The following ADGRG6 variants were observed in gnomAD, a reference collection of about 807,000 sequenced individuals.
ADGRG6 encodes adhesion G protein-coupled receptor G6, also known as G-protein coupled receptor 126.
Under a neutral mutation model 142.4 loss-of-function variants are expected in ADGRG6, and 84 were observed. The observed-to-expected ratio is 0.59, with a 90% CI of 0.49 to 0.71. The LOEUF (loss-of-function observed/expected upper bound fraction) is 0.71. Ranked by LOEUF, ADGRG6 falls within the 30% of genes least tolerant of loss-of-function variation. The probability of loss-of-function intolerance (pLI) is 0.00; values close to 1 mark genes in which losing one functional copy is unlikely to be tolerated. For missense variants in ADGRG6, 1,367 were observed against 1,466.6 expected (o/e 0.93, Z 1.11); for synonymous variants, 521 against 520.5 (o/e 1.00, Z -0.01).
At chr6:142,334,300 G>A (rs752876229) in intron 2 of ADGRG6, among the ~76,000 whole-genome samples, 14 of 152,136 alleles carry the variant, frequency 9.2e-5, no homozygotes, top group Non-Finnish European at 1.6e-4. Context: ...GTAAAGACAA[G>A]AGAAGGAAAA....
intron 24 of ADGRG6, among the ~76,000 whole-genome samples, chr6:142,441,605 C>T (rs1172797425): frequency 1.3e-5 from 2 of 152,148 alleles, no homozygotes; most frequent in East Asian, 1.9e-4. Flanking sequence ...TGAAGCTTTT[C>T]AAAATCTCTA....
chr6:142,333,062 G>T (rs1280115723), intron 2 of ADGRG6, among the ~76,000 whole-genome samples: 1 of 152,184 alleles, frequency 6.6e-6, no homozygotes, highest in Non-Finnish European at 1.5e-5. Flanking sequence ...TTATTGAAAT[G>T]GTGATTGAAA....
intron 2 of ADGRG6, among the ~76,000 whole-genome samples, chr6:142,314,428 G>A (rs946281879): frequency 6.6e-6 from 1 of 152,118 alleles, no homozygotes; most frequent in South Asian, 2.1e-4. Context: ...TGTGGAGAGG[G>A]TTGGTAAACA....
chr6:142,312,574 C>T (rs1288933600), intron 2 of ADGRG6, among the ~76,000 whole-genome samples: 1 of 151,992 alleles, frequency 6.6e-6, no homozygotes, highest in Non-Finnish European at 1.5e-5. Context: ...AAGTTGACAA[C>T]ATCCAATACA....
At chr6:142,382,961 T>G (rs1419628127) in intron 5 of ADGRG6, among the ~76,000 whole-genome samples, 1 of 152,112 alleles carries the variant, frequency 6.6e-6, no homozygotes, top group African/African-American at 2.4e-5. Flanking sequence ...TCTTTGATAT[T>G]ATTATTAATC....
chr6:142,411,761 A>G (rs9484636), intron 18 of ADGRG6, among the ~76,000 whole-genome samples: 2,751 of 152,244 alleles, frequency 0.018, 90 homozygotes, highest in African/African-American at 0.063. Flanking sequence ...AGAAAGTTAA[A>G]GAAGAAAATG....
At chr6:142,393,301 C>T (rs1775002070) in intron 8 of ADGRG6, among the ~76,000 whole-genome samples, 1 of 152,118 alleles carries the variant, frequency 6.6e-6, no homozygotes, top group Non-Finnish European at 1.5e-5. Flanking sequence ...AGTTTCTTCT[C>T]ACACCCTGGT....
chr6:142,338,017 GTTTT>G (rs1181314373), intron 2 of ADGRG6, among the ~76,000 whole-genome samples: 11 of 35,388 alleles, frequency 3.1e-4, no homozygotes, highest in African/African-American at 5.1e-4. Context: ...TTGTATCTTT[GTTTT>G]TTTTTTTTTT....
At chr6:142,425,311 C>T (rs1776885766) in intron 22 of ADGRG6, among the ~76,000 whole-genome samples, 1 of 152,080 alleles carries the variant, frequency 6.6e-6, no homozygotes, top group African/African-American at 2.4e-5. Context: ...AAAAGTTGGT[C>T]CAGTATTTTA....
At position 142,400,605 on chromosome 6, in the gene ADGRG6, T is replaced by G; in HGVS notation, c.1679+9T>G. The stretch of plus-strand genomic sequence containing the variant: ...TCTGCTTCTCGGATATGGTAATATT[T>G]TCACTGACTCTTGCCAGCAAAGCTA... On this transcript the variant is annotated intron_variant, in intron 11 of 24. Transcript: ENST00000367609. The G allele has an allele frequency of 7.4e-7, 1 of 1,348,434 alleles. No individual in the cohort carries two copies. The highest frequency in any genetic ancestry group is 1.1e-6 in the Non-Finnish European group (1 of 939,410). 83.5% of individuals were successfully genotyped at this position (1,348,434 alleles called of 1,614,324 possible).
chr6:142,321,376 C>T (rs1778509142), intron 2 of ADGRG6, among the ~76,000 whole-genome samples: 1 of 151,296 alleles, frequency 6.6e-6, no homozygotes, highest in Non-Finnish European at 1.5e-5. Context: ...TGAAAATATC[C>T]ACAAAAAGAC....
intron 2 of ADGRG6, among the ~76,000 whole-genome samples, chr6:142,316,424 C>T (rs1778072202): frequency 6.6e-6 from 1 of 152,006 alleles, no homozygotes; most frequent in African/African-American, 2.4e-5. Context: ...TGAGAAAATG[C>T]TCATAATTTT....
intron 2 of ADGRG6, among the ~76,000 whole-genome samples, chr6:142,337,671 A>C (rs971483774): frequency 3.9e-5 from 6 of 152,136 alleles, no homozygotes; most frequent in African/African-American, 1.4e-4. Context: ...GCATTTCTAC[A>C]GGTTTGTTCC....
chr6:142,311,739 A>C (rs1350965272), intron 2 of ADGRG6, among the ~76,000 whole-genome samples: 2 of 151,842 alleles, frequency 1.3e-5, no homozygotes, highest in Admixed American at 1.3e-4. Flanking sequence ...TGTCCACTAA[A>C]TCTGTATTGT....
rs777118946 is a variant in ADGRG6, at chr6:142,348,165, G to A, written c.104-19404G>A. Among the ~76,000 whole-genome samples the A allele has an allele frequency of 2.0e-5, 3 of 152,098 alleles. No homozygotes were observed. In the South Asian group the frequency reaches 6.2e-4, roughly 32 times the overall value. Reference sequence around the variant, plus strand: ...TTAAGGTTTTGAGAATCATCATACCGCCCGCTTACCAGAAGTCAATAAAAA... The same window carrying A: ...TTAAGGTTTTGAGAATCATCATACCACCCGCTTACCAGAAGTCAATAAAAA... On this transcript the variant is annotated intron_variant, in intron 2 of 24. Transcript: ENST00000367609.
intron 14 of ADGRG6, 58 bp from the exon 15 acceptor site, chr6:142,405,630 A>G: frequency 1.4e-6 from 2 of 1,388,740 alleles, no homozygotes; most frequent in Non-Finnish European, 2.0e-6. Context: ...CATGTGGAAT[A>G]AAGTTATTAC....
At chr6:142,345,738 G>A (rs1779868604) in intron 2 of ADGRG6, among the ~76,000 whole-genome samples, 1 of 152,106 alleles carries the variant, frequency 6.6e-6, no homozygotes, top group African/African-American at 2.4e-5. Context: ...TGAGGCAAAA[G>A]TATAACCAGT....
chr6:142,317,236 TG>T (rs754943308), intron 2 of ADGRG6, among the ~76,000 whole-genome samples: 8 of 152,132 alleles, frequency 5.3e-5, no homozygotes, highest in Non-Finnish European at 1.2e-4. Context: ...GAGTTAGAGA[TG>T]TCTGCTTTTT....
chr6:142,354,369 C>A (rs113427634), intron 2 of ADGRG6, among the ~76,000 whole-genome samples: 1 of 152,032 alleles, frequency 6.6e-6, no homozygotes, highest in Non-Finnish European at 1.5e-5. Flanking sequence ...GGTGACAGAG[C>A]GAGTCTCTAT....
Sources: allele counts gnomAD v4.1 joint callset (sites outside exome capture counted in the v4.1 genomes callset), GRCh38; gene constraint gnomAD v4.1.1; transcripts MANE v1.5; gene names NCBI Gene and HGNC (gene_info 2026-07-23, HGNC 2026-07-21).